Variants in TRIM24 observed in about 807,000 individuals in gnomAD.
TRIM24 encodes transcription intermediary factor 1-alpha.
Under a neutral mutation model 123.9 loss-of-function variants are expected in TRIM24, and 29 were observed. That is an observed-to-expected ratio of 0.23 (90% CI 0.17 to 0.32). The LOEUF (loss-of-function observed/expected upper bound fraction) is 0.32, where lower values mean the gene tolerates loss of function less well. Among genes scored for constraint, TRIM24 ranks in the 10% least tolerant of loss-of-function variants. TRIM24 has a pLI of 1.00. For missense variants in TRIM24, 932 were observed against 1,295.3 expected (o/e 0.72, Z 4.31); for synonymous variants, 456 against 461.1 (o/e 0.99, Z 0.14).
intron 9 of TRIM24, 60 bp from the exon 10 acceptor site, chr7:138,567,421 T>C: frequency 1.4e-6 from 2 of 1,476,328 alleles, no homozygotes; most frequent in Non-Finnish European, 1.8e-6. Flanking sequence ...AAGATAGAGA[T>C]TTATAATTTG....
chr7:138,534,129 G>A (rs1469900236), intron 6 of TRIM24, among the ~76,000 whole-genome samples: 1 of 151,886 alleles, frequency 6.6e-6, no homozygotes, highest in Non-Finnish European at 1.5e-5. Flanking sequence ...AGTCTTGCTA[G>A]CGGTCTATTT....
intron 6 of TRIM24, among the ~76,000 whole-genome samples, chr7:138,538,310 C>G (rs543486114): frequency 7.2e-5 from 11 of 152,250 alleles, no homozygotes; most frequent in African/African-American, 2.6e-4. Flanking sequence ...TATAGGTTTG[C>G]TGGACAGTAC....
Position 138,587,214 on chromosome 7 carries a change from A to G in TRIM24, c.*2263A>G, listed in dbSNP as rs1333105955. The G allele has an allele frequency of 3.3e-5, 5 of 152,132 alleles. No homozygotes were observed. Among genetic ancestry groups the G allele is most frequent in the Non-Finnish European group, 7.3e-5 (5 of 68,048 alleles). 9.4% of individuals were successfully genotyped at this position (152,132 alleles called of 1,614,324 possible). ...CAAAAAATACAAAAATTAGCCGGAC[A>G]TGGTGGCGTGCAACTGTAATCCCAA... On this transcript the variant is annotated 3_prime_UTR_variant, in exon 19 of 19. Coordinates refer to ENST00000343526, the MANE Select transcript of TRIM24 (RefSeq NM_015905.3).
rs535729823 is a variant in TRIM24 at position 138,531,274 on chromosome 7, G to C, written c.996+2044G>C. ...TTACATATGTTACATATGTTTACAT[G>C]TGTTACATATGTATACATGTGCCAT... is the stretch of plus-strand genomic sequence containing the variant. On this transcript the variant is annotated intron_variant, in intron 6 of 18. Transcript: ENST00000343526. Among the ~76,000 whole-genome samples the C allele has an allele frequency of 2.2e-3, 333 of 151,222 alleles. 2 individuals carry two copies. Among genetic ancestry groups the C allele is most frequent in the Non-Finnish European group, 2.7e-3 (183 of 67,476 alleles).
chr7:138,472,512 T>A (rs1009384426), intron 1 of TRIM24, among the ~76,000 whole-genome samples: 2 of 152,130 alleles, frequency 1.3e-5, no homozygotes, highest in Non-Finnish European at 2.9e-5. Flanking sequence ...GAAAGTGAGG[T>A]CGTCTGCTGA....
chr7:138,540,916 G>A (rs1285291830), intron 7 of TRIM24, among the ~76,000 whole-genome samples: 1 of 152,122 alleles, frequency 6.6e-6, no homozygotes. Context: ...TTAGCTCACT[G>A]CAACCTCTAG....
At chr7:138,552,905 A>T (rs1797240766) in intron 8 of TRIM24, among the ~76,000 whole-genome samples, 1 of 152,198 alleles carries the variant, frequency 6.6e-6, no homozygotes, top group Non-Finnish European at 1.5e-5. Flanking sequence ...CCACACATTC[A>T]TCTGAACTCT....
Position 138,585,249 on chromosome 7 carries a change from G to A in TRIM24, c.*298G>A, listed in dbSNP as rs566956423. ...ACAAAGACATTCTTCCCACTTCTTG[G>A]ATTTTTAAACCACAGTCTGGAGTGA... On this transcript the variant is annotated 3_prime_UTR_variant, in exon 19 of 19. Transcript: ENST00000343526. 1 of 280,000 alleles carries A rather than the reference G, an allele frequency of 3.6e-6. No individual in the cohort carries two copies. Among genetic ancestry groups the A allele is most frequent in the South Asian group, 9.8e-5 (1 of 10,182 alleles). 17.3% of individuals were successfully genotyped at this position (280,000 alleles called of 1,614,324 possible). A position where few individuals can be genotyped will look rare whatever the true frequency, so the allele number is the denominator to read the frequency against.
intron 7 of TRIM24, among the ~76,000 whole-genome samples, chr7:138,546,075 C>T (rs1544733): frequency 0.81 from 123,487 of 152,086 alleles, 50,461 homozygotes; most frequent in African/African-American, 0.87. Context: ...GGGTAGAGGA[C>T]TGATGGGGAA....
At position 138,525,244 on chromosome 7, in the gene TRIM24, C is replaced by T. The variant is rs758137984; in HGVS notation, c.768C>T (p.Tyr256=). The T allele has an allele frequency of 2.8e-6, 4 of 1,452,140 alleles. No homozygotes were observed. The highest frequency in any genetic ancestry group is 3.7e-6 in the Non-Finnish European group (4 of 1,092,974). 90.0% of individuals were successfully genotyped at this position (1,452,140 alleles called of 1,614,324 possible). ...CQLLEHKEHR[Y]QFIEEAFQNQ... ...AATAATTTGCTTATTTCTTCAGATA[C>T]CAATTTATAGAAGAAGCTTTTCAGA... Residue 256 remains tyrosine (Y), a synonymous_variant, in exon 5 of 19, where the codon TAC becomes TAT. Coordinates refer to ENST00000343526, the MANE Select transcript of TRIM24 (RefSeq NM_015905.3).
At chr7:138,561,201 CTG>C (rs1463702120) in intron 9 of TRIM24, among the ~76,000 whole-genome samples, 1 of 152,190 alleles carries the variant, frequency 6.6e-6, no homozygotes, top group Non-Finnish European at 1.5e-5. Context: ...TGGGCAGAAA[CTG>C]AGCCTCTACC....
chr7:138,531,815 C>G (rs538870762), intron 6 of TRIM24, among the ~76,000 whole-genome samples: 18 of 152,326 alleles, frequency 1.2e-4, no homozygotes, highest in African/African-American at 3.8e-4. Context: ...AGTGGTTGAA[C>G]TAGTTTACAG....
intron 7 of TRIM24, among the ~76,000 whole-genome samples, chr7:138,544,825 A>C (rs1365148514): frequency 1.3e-5 from 2 of 152,218 alleles, no homozygotes; most frequent in East Asian, 3.8e-4. Context: ...TTGGAAAAAT[A>C]TAAATTCAAA....
chr7:138,502,898 T>G (rs1796071867), intron 1 of TRIM24, among the ~76,000 whole-genome samples: 1 of 152,234 alleles, frequency 6.6e-6, no homozygotes, highest in South Asian at 2.1e-4. Flanking sequence ...GCTCTTGCTT[T>G]TTGTTTCTTG....
At chr7:138,511,456 T>A (rs1191126715) in intron 2 of TRIM24, among the ~76,000 whole-genome samples, 5 of 151,850 alleles carry the variant, frequency 3.3e-5, no homozygotes, top group Non-Finnish European at 5.9e-5. Context: ...GTGCAGCTAA[T>A]TTGTTGTATT....
rs1797979844 is a variant in TRIM24, at chr7:138,584,820, A to G, written c.3022A>G (p.Lys1008Glu). ...EELLKNLYPE[K>E]RFPKPEFRNE... Reference sequence around the variant, plus strand: ...ACTTCTAAAGAACCTCTATCCAGAAAAAAGGTTTCCCAAACCAGAATTCAG... The same window carrying G: ...ACTTCTAAAGAACCTCTATCCAGAAGAAAGGTTTCCCAAACCAGAATTCAG... The change falls in exon 19 of 19, where the codon AAA (lysine) becomes GAA (glutamate). Residue 1008 changes from lysine (K) to glutamate (E), a missense_variant. Lys to Glu is a moderately conservative substitution (Grantham distance 56). Transcript: ENST00000343526. 4 of 1,613,514 alleles carry G rather than the reference A, an allele frequency of 2.5e-6. No homozygotes were observed. The highest frequency in any genetic ancestry group is 3.4e-6 in the Non-Finnish European group (4 of 1,179,822).
intron 6 of TRIM24, among the ~76,000 whole-genome samples, chr7:138,536,772 G>T (rs1796885278): frequency 6.6e-6 from 1 of 152,212 alleles, no homozygotes; most frequent in Non-Finnish European, 1.5e-5. Context: ...GTCTGCAGAG[G>T]TTTCTGCTGC....
At chr7:138,549,529 A>G (rs544368612) in intron 7 of TRIM24, among the ~76,000 whole-genome samples, 26 of 152,324 alleles carry the variant, frequency 1.7e-4, no homozygotes, top group African/African-American at 6.3e-4. Flanking sequence ...ATAGCGTGCT[A>G]GAAACCAAAT....
intron 1 of TRIM24, among the ~76,000 whole-genome samples, chr7:138,480,986 AAGTT>A (rs1427900205): frequency 6.6e-6 from 1 of 151,598 alleles, no homozygotes. Context: ...ATTTTTTAAA[AAGTT>A]ATTATTATTA....
Sources: allele counts gnomAD v4.1 joint callset (sites outside exome capture counted in the v4.1 genomes callset), GRCh38; gene constraint gnomAD v4.1.1; transcripts MANE v1.5; gene names NCBI Gene and HGNC (gene_info 2026-07-23, HGNC 2026-07-21).